Variants in RYR2 observed in about 807,000 individuals in gnomAD.
The protein encoded by RYR2 is cardiac muscle ryanodine receptor-calcium release channel.
In RYR2, 227 loss-of-function variants were observed where a neutral mutation model predicts 601.1. That is an observed-to-expected ratio of 0.38 (90% CI 0.34 to 0.42). RYR2 has a LOEUF of 0.42. Ranked by LOEUF, RYR2 falls within the 10% of genes least tolerant of loss-of-function variation. The pLI, the probability that RYR2 is intolerant of heterozygous loss-of-function variation, is 1.00. For missense variants in RYR2, 4,646 were observed against 6,156.5 expected, an observed-to-expected ratio of 0.75 and a Z score of 8.21; for synonymous variants, 2,223 against 2,175.1, an observed-to-expected ratio of 1.02 and a Z score of -0.61.
chr1:237,143,736 A>G (rs1294947061), intron 1 of RYR2, among the ~76,000 whole-genome samples: 2 of 152,104 alleles, frequency 1.3e-5, no homozygotes, highest in Admixed American at 1.3e-4. Context: ...TGGGAATCCA[A>G]CCTAAAATAC....
chr1:237,457,820 C>G (rs1186195950), intron 16 of RYR2, among the ~76,000 whole-genome samples: 1 of 152,200 alleles, frequency 6.6e-6, no homozygotes, highest in Non-Finnish European at 1.5e-5. Flanking sequence ...TTTCTCTACC[C>G]TAACCCTCGC....
intron 3 of RYR2, among the ~76,000 whole-genome samples, chr1:237,333,130 A>C (rs1310605815): frequency 6.6e-6 from 1 of 152,238 alleles, no homozygotes; most frequent in Non-Finnish European, 1.5e-5. Flanking sequence ...GATGTGTTGA[A>C]CACTATTTTA....
intron 1 of RYR2, among the ~76,000 whole-genome samples, chr1:237,054,163 TCCTC>T (rs988195255): frequency 2.0e-5 from 3 of 151,576 alleles, no homozygotes; most frequent in Non-Finnish European, 4.4e-5. Flanking sequence ...TCTTTCTCCT[TCCTC>T]CCTCCCTCCT....
chr1:237,444,492 G>C (rs1056646270), intron 13 of RYR2, among the ~76,000 whole-genome samples: 6 of 152,016 alleles, frequency 3.9e-5, no homozygotes, highest in African/African-American at 1.5e-4. Context: ...AGTACACCTG[G>C]GTAGGTGTAT....
intron 16 of RYR2, among the ~76,000 whole-genome samples, chr1:237,458,315 G>T (rs1659078072): frequency 6.6e-6 from 1 of 152,138 alleles, no homozygotes; most frequent in Admixed American, 6.5e-5. Context: ...TGTAACCCCA[G>T]CTACTCAGGA....
intron 12 of RYR2, among the ~76,000 whole-genome samples, chr1:237,430,068 T>TTA (rs1468095965): frequency 4.0e-5 from 6 of 150,710 alleles, no homozygotes; most frequent in Admixed American, 2.0e-4. Context: ...CAATATATTG[T>TTA]TATATATATT....
chr1:237,566,752 G>A lies in RYR2; in HGVS notation c.3400G>A (p.Ala1134Thr). 1.9e-6 allele frequency: 3 copies of A among 1,613,984 alleles called. No homozygotes were observed. In the Admixed American group the frequency reaches 5.0e-5, roughly 27 times the overall value. ...PDQELGSDER[A>T]FAFDGFKAQR... is the part of the protein sequence containing the mutation. ...TCAGGAGCTTGGCTCAGATGAACGT[G>A]CCTTTGCCTTTGATGGCTTCAAGGT... Residue 1134 changes from alanine to threonine, a missense_variant, in exon 28 of 105, where the codon GCC becomes ACC. Ala to Thr is a moderately conservative substitution (Grantham distance 58, BLOSUM62 0). Around this residue, in one of 17 missense-constraint regions of RYR2, gnomAD observed 1,807 missense variants for 2,088.1 expected, o/e 0.87. Coordinates refer to ENST00000366574, the MANE Select transcript of RYR2 (RefSeq NM_001035.3).
intron 2 of RYR2, among the ~76,000 whole-genome samples, chr1:237,279,474 T>C (rs1690633243): frequency 6.6e-6 from 1 of 152,220 alleles, no homozygotes; most frequent in South Asian, 2.1e-4. Flanking sequence ...TGAGACTCTG[T>C]CTCAATCAAT....
At chr1:237,805,919 C>A (rs952506634) in intron 98 of RYR2, among the ~76,000 whole-genome samples, 2 of 152,112 alleles carry the variant, frequency 1.3e-5, no homozygotes, top group Non-Finnish European at 2.9e-5. Context: ...TATCTTTTAA[C>A]AAATCTCTCC....
intron 2 of RYR2, among the ~76,000 whole-genome samples, chr1:237,313,147 A>G (rs1037210407): frequency 2.0e-5 from 3 of 151,418 alleles, no homozygotes; most frequent in Admixed American, 2.0e-4. Flanking sequence ...ATATGTAAGT[A>G]TTGAAGTACA....
chr1:237,207,162 A>T (rs921793446), intron 1 of RYR2, among the ~76,000 whole-genome samples: 1 of 151,956 alleles, frequency 6.6e-6, no homozygotes, highest in African/African-American at 2.4e-5. Context: ...AAAAAAAATT[A>T]AAAAATAATT....
In RYR2 at chr1:237,423,231, A is replaced by G; in HGVS notation, c.988A>G (p.Thr330Ala). The change falls in exon 12 of 105, where the codon ACC becomes GCC. Residue 330 changes from threonine to alanine, a missense_variant. Physicochemically the swap from Thr to Ala is moderately conservative, Grantham distance 58 (BLOSUM62 0). Around this residue, in one of 17 missense-constraint regions of RYR2, gnomAD observed 1,807 missense variants for 2,088.1 expected, o/e 0.87. Transcript: ENST00000366574. The part of the protein sequence containing the change: ...EKADVKSTAF[T>A]FRSSKEKLDV... ...AGCTGATGTAAAATCAACAGCATTT[A>G]CCTTCCGGTCTTCCAAGGTGAGACA... 1 of 1,613,440 alleles carries G rather than the reference A, an allele frequency of 6.2e-7. No homozygotes were observed. Among genetic ancestry groups the G allele is most frequent in the Non-Finnish European group, 8.5e-7 (1 of 1,179,702 alleles).
At chr1:237,436,235 G>A (rs1707336968) in intron 12 of RYR2, among the ~76,000 whole-genome samples, 1 of 151,418 alleles carries the variant, frequency 6.6e-6, no homozygotes, top group South Asian at 2.1e-4. Context: ...GTGATATCCT[G>A]TTCTATTCAT....
intron 12 of RYR2, among the ~76,000 whole-genome samples, chr1:237,438,007 GTT>G (rs1223383832): frequency 1.4e-5 from 2 of 139,328 alleles, no homozygotes; most frequent in Non-Finnish European, 3.2e-5. Flanking sequence ...AAGCTAGAGT[GTT>G]TTAATGGCAA....
At chr1:237,085,401 G>A (rs1195311233) in intron 1 of RYR2, among the ~76,000 whole-genome samples, 1 of 152,116 alleles carries the variant, frequency 6.6e-6, no homozygotes, top group Non-Finnish European at 1.5e-5. Context: ...CTTCCCTGTT[G>A]CATAAAATAA....
intron 1 of RYR2, among the ~76,000 whole-genome samples, chr1:237,131,389 A>G (rs1672156980): frequency 6.6e-6 from 1 of 152,166 alleles, no homozygotes; most frequent in South Asian, 2.1e-4. Flanking sequence ...TCATGAGATA[A>G]ACAAAAGAGT....
At chr1:237,667,156 T>G (rs1684399732) in intron 57 of RYR2, among the ~76,000 whole-genome samples, 1 of 152,204 alleles carries the variant, frequency 6.6e-6, no homozygotes, top group African/African-American at 2.4e-5. Flanking sequence ...TACTTTGAAA[T>G]AGCAGATTTG....
intron 75 of RYR2, among the ~76,000 whole-genome samples, chr1:237,726,579 C>A (rs2149140055): frequency 6.6e-6 from 1 of 152,142 alleles, no homozygotes; most frequent in East Asian, 1.9e-4. Context: ...CTTTATCCTG[C>A]TGTATTAAAG....
intron 3 of RYR2, among the ~76,000 whole-genome samples, chr1:237,334,292 G>A (rs891037005): frequency 6.6e-6 from 1 of 151,974 alleles, no homozygotes; most frequent in African/African-American, 2.4e-5. Context: ...GATGAAATGG[G>A]AGAAAATATT....
Sources: allele counts gnomAD v4.1 joint callset (sites outside exome capture counted in the v4.1 genomes callset), GRCh38; gene constraint gnomAD v4.1.1; regional missense constraint gnomAD v4.1.1; transcripts MANE v1.5; gene names NCBI Gene and HGNC (gene_info 2026-07-23, HGNC 2026-07-21).